The following ERBB4 variants were observed in gnomAD, a reference collection of about 807,000 sequenced individuals.
ERBB4 encodes erb-b2 receptor tyrosine kinase 4, also known as receptor tyrosine-protein kinase erbB-4.
Under a neutral mutation model 158.0 loss-of-function variants are expected in ERBB4, and 42 were observed. The ratio of observed to expected loss-of-function variants is 0.27; its 90% CI spans 0.21 to 0.34. The LOEUF is 0.34. Ranked by LOEUF, ERBB4 falls within the 10% of genes least tolerant of loss-of-function variation. The pLI is 1.00. For missense variants in ERBB4, 1,333 were observed against 1,624.1 expected, an observed-to-expected ratio of 0.82 and a Z score of 3.08; for synonymous variants, 583 against 558.7, an observed-to-expected ratio of 1.04 and a Z score of -0.61.
At chr2:211,642,393 CT>C (rs2105856150) in intron 16 of ERBB4, among the ~76,000 whole-genome samples, 1 of 152,104 alleles carries the variant, frequency 6.6e-6, no homozygotes, top group African/African-American at 2.4e-5. Context: ...AGTTTCTTCC[CT>C]GTCTGGTCAG....
intron 19 of ERBB4, among the ~76,000 whole-genome samples, chr2:211,609,378 G>GTT (rs2069106196): frequency 6.6e-6 from 1 of 151,942 alleles, no homozygotes; most frequent in East Asian, 1.9e-4. Flanking sequence ...AATTTAGACA[G>GTT]ACAGGCCTTG....
intron 20 of ERBB4, among the ~76,000 whole-genome samples, chr2:211,466,256 T>C (rs1403874099): frequency 6.6e-6 from 1 of 151,882 alleles, no homozygotes; most frequent in African/African-American, 2.4e-5. Flanking sequence ...AGCAAAATGG[T>C]TGGGAAGCTT....
chr2:212,332,733 T>C (rs550313528), intron 1 of ERBB4, among the ~76,000 whole-genome samples: 1 of 152,070 alleles, frequency 6.6e-6, no homozygotes, highest in Non-Finnish European at 1.5e-5. Flanking sequence ...ATTGGTGGTC[T>C]TTTTAATCTC....
At chr2:212,353,605 T>A (rs930994819) in intron 1 of ERBB4, among the ~76,000 whole-genome samples, 2 of 151,790 alleles carry the variant, frequency 1.3e-5, no homozygotes, top group Admixed American at 6.6e-5. Context: ...ATCTATGTGA[T>A]GTGTCTGAAA....
chr2:211,721,644 T>TATAC (rs1156312544), intron 7 of ERBB4, among the ~76,000 whole-genome samples: 1 of 144,706 alleles, frequency 6.9e-6, no homozygotes, highest in South Asian at 2.2e-4. Context: ...TATATATATA[T>TATAC]ACATGTTTTG....
chr2:212,157,645 A>G (rs751762320), intron 1 of ERBB4, among the ~76,000 whole-genome samples: 1 of 152,116 alleles, frequency 6.6e-6, no homozygotes, highest in Non-Finnish European at 1.5e-5. Context: ...AACTAAAACT[A>G]TGCTTTAGTA....
chr2:212,327,728 CTT>C (rs11413473), intron 1 of ERBB4, among the ~76,000 whole-genome samples: 4 of 133,366 alleles, frequency 3.0e-5, no homozygotes, highest in African/African-American at 8.3e-5. Context: ...TTCTTTTTTT[CTT>C]TTTTTTTTTT....
At chr2:211,581,967 G>A (rs1240945857) in intron 19 of ERBB4, among the ~76,000 whole-genome samples, 1 of 151,998 alleles carries the variant, frequency 6.6e-6, no homozygotes, top group Non-Finnish European at 1.5e-5. Context: ...CCAAGATCAT[G>A]CCATTGTACT....
At chr2:211,662,775 A>G (rs28593530) in intron 15 of ERBB4, among the ~76,000 whole-genome samples, 11,174 of 152,290 alleles carry the variant, frequency 0.073, 626 homozygotes, top group Non-Finnish European at 0.11. Context: ...CTTTTAAAGT[A>G]TGACACAGGT....
At chr2:211,653,867 G>A (rs1389356482) in intron 16 of ERBB4, among the ~76,000 whole-genome samples, 1 of 151,814 alleles carries the variant, frequency 6.6e-6, no homozygotes, top group Admixed American at 6.6e-5. Context: ...GTAGAGATGG[G>A]GTTTCACCGT....
chr2:211,492,389 T>A (rs1320183019), intron 20 of ERBB4, among the ~76,000 whole-genome samples: 1 of 152,138 alleles, frequency 6.6e-6, no homozygotes, highest in African/African-American at 2.4e-5. Flanking sequence ...ATAAGTTTCA[T>A]TTTCCTTATC....
chr2:211,831,008 A>T (rs78005792), intron 3 of ERBB4, among the ~76,000 whole-genome samples: 22,254 of 152,032 alleles, frequency 0.15, 2,020 homozygotes, highest in African/African-American at 0.25. Context: ...GGTTAAAAAA[A>T]TAATAAAAAA....
chr2:212,332,796 T>C (rs979683272), intron 1 of ERBB4, among the ~76,000 whole-genome samples: 2 of 152,136 alleles, frequency 1.3e-5, no homozygotes, highest in Admixed American at 6.6e-5. Context: ...ATAAAAAGAA[T>C]GGCTATTTGG....
chr2:211,460,433 T>C (rs1252304407), intron 20 of ERBB4, among the ~76,000 whole-genome samples: 1 of 152,180 alleles, frequency 6.6e-6, no homozygotes, highest in Non-Finnish European at 1.5e-5. Context: ...TCTGCATTAC[T>C]AGAGCATTAA....
At chr2:212,289,621 C>A (rs1364159093) in intron 1 of ERBB4, among the ~76,000 whole-genome samples, 3 of 152,046 alleles carry the variant, frequency 2.0e-5, no homozygotes, top group Admixed American at 2.0e-4. Flanking sequence ...TGAAGGAGAA[C>A]AGAAGAATTG....
intron 1 of ERBB4, among the ~76,000 whole-genome samples, chr2:212,431,943 A>C (rs1251421288): frequency 6.6e-6 from 1 of 152,190 alleles, no homozygotes; most frequent in Non-Finnish European, 1.5e-5. Context: ...CTTATAGTCT[A>C]GGCTTCCATA....
At chr2:212,451,198 T>A (rs1284665957) in intron 1 of ERBB4, among the ~76,000 whole-genome samples, 2 of 152,188 alleles carry the variant, frequency 1.3e-5, no homozygotes, top group East Asian at 3.9e-4. Context: ...TTGAGGATTA[T>A]GACAAAGACT....
intron 12 of ERBB4, among the ~76,000 whole-genome samples, chr2:211,701,713 G>A (rs1028323888): frequency 7.9e-6 from 1 of 126,122 alleles, no homozygotes; most frequent in Non-Finnish European, 1.6e-5. Flanking sequence ...CCGAGATCTC[G>A]CCACTGCACT....
chr2:211,386,855 T>G lies in ERBB4; in HGVS notation c.3479A>C (p.Gln1160Pro), dbSNP rs1248231403. ...YMTPMRDKPK[Q>P]EYLNPVEENP... ...GTTTCTGAATAATCAGTTCATACCT[T>G]GTTTGGGTTTGTCTCGCATAGGAGT... Residue 1160 changes from glutamine to proline, a missense_variant and splice_region_variant, in exon 27 of 28, where the codon CAA becomes CCA. Gln to Pro is a moderately conservative substitution (Grantham distance 76). Coordinates refer to ENST00000342788, the MANE Select transcript of ERBB4 (RefSeq NM_005235.3). The G allele has an allele frequency of 6.2e-7, 1 of 1,614,096 alleles. No homozygotes were observed. The highest frequency in any genetic ancestry group is 1.1e-5 in the South Asian group (1 of 91,078).
Sources: allele counts gnomAD v4.1 joint callset (sites outside exome capture counted in the v4.1 genomes callset), GRCh38; gene constraint gnomAD v4.1.1; transcripts MANE v1.5; gene names NCBI Gene and HGNC (gene_info 2026-07-23, HGNC 2026-07-21).